FAM193A: variants seen among roughly 807,000 people sequenced by gnomAD.
FAM193A encodes the protein protein FAM193A.
A neutral mutation model predicts 126.5 loss-of-function variants in FAM193A; 22 were observed. The ratio of observed to expected loss-of-function variants is 0.17; its 90% CI spans 0.12 to 0.25. The LOEUF (loss-of-function observed/expected upper bound fraction) is 0.25. Ranked by LOEUF, FAM193A falls within the 10% of genes least tolerant of loss-of-function variation. The pLI is 1.00. For synonymous variants in FAM193A, 761 were observed against 646.8 expected (o/e 1.18, Z -2.68); for missense variants, 1,675 against 1,672.8 (o/e 1.00, Z -0.02).
chr4:2,552,400 C>G (rs557104931), intron 1 of FAM193A, among the ~76,000 whole-genome samples: 1 of 152,010 alleles, frequency 6.6e-6, no homozygotes, highest in African/African-American at 2.4e-5. Context: ...ATCTGCCCAC[C>G]TCTGCCTCCC....
chr4:2,649,216 A>G (rs2109061967), intron 7 of FAM193A, among the ~76,000 whole-genome samples: 1 of 150,190 alleles, frequency 6.7e-6, no homozygotes, highest in South Asian at 2.1e-4. Context: ...TCTACAAAAA[A>G]TTAAAAAATT....
chr4:2,596,960 C>G (rs1180654881), intron 2 of FAM193A, among the ~76,000 whole-genome samples: 3 of 152,190 alleles, frequency 2.0e-5, no homozygotes, highest in African/African-American at 4.8e-5. Flanking sequence ...CTGAGCTCTT[C>G]TCTTCCTTCT....
chr4:2,547,042 C>T lies in FAM193A; in HGVS notation c.255+9872C>T, dbSNP rs147792653. Among the ~76,000 whole-genome samples the T allele has an allele frequency of 2.2e-4, 34 of 152,252 alleles. No homozygotes were observed. The East Asian group carries it at 4.1e-3, about 18-fold the overall frequency. Reference sequence around the variant, plus strand: ...CAGGCAGTCTACTGGTCTGGCCTCCCGAAGTGCTAGGATTACAGGTATAAG... The same window carrying T: ...CAGGCAGTCTACTGGTCTGGCCTCCTGAAGTGCTAGGATTACAGGTATAAG... On this transcript the variant is annotated intron_variant, in intron 1 of 20. Transcript: ENST00000637812.
At chr4:2,592,627 T>C (rs1740635141) in intron 1 of FAM193A, among the ~76,000 whole-genome samples, 1 of 152,186 alleles carries the variant, frequency 6.6e-6, no homozygotes, top group Non-Finnish European at 1.5e-5. Flanking sequence ...GGAGAGAGTC[T>C]GAAGGCTAGG....
At chr4:2,586,129 GCTAC>G (rs1330679342) in intron 1 of FAM193A, among the ~76,000 whole-genome samples, 16 of 151,832 alleles carry the variant, frequency 1.1e-4, no homozygotes, top group African/African-American at 3.9e-4. Flanking sequence ...AGTAATCCTA[GCTAC>G]TGGGGAATCT....
chr4:2,557,335 GT>G (rs1264671267), intron 1 of FAM193A, among the ~76,000 whole-genome samples: 1 of 152,172 alleles, frequency 6.6e-6, no homozygotes, highest in Non-Finnish European at 1.5e-5. Context: ...TGAGCCTGGA[GT>G]TTGTGCATTC....
chr4:2,566,853 A>G (rs80192701), intron 1 of FAM193A, among the ~76,000 whole-genome samples: 4,330 of 152,304 alleles, frequency 0.028, 222 homozygotes, highest in African/African-American at 0.098. Flanking sequence ...ACTTATTAAA[A>G]ATACAAAAAT....
rs1718584212 is a variant in FAM193A at position 2,708,669 on chromosome 4, G to T, written c.4373-7354G>T. 2.6e-5 allele frequency among the ~76,000 whole-genome samples: 4 copies of T among 152,010 alleles called. No homozygotes were observed. The South Asian group carries it at 6.2e-4, about 24-fold the overall frequency. ...GTAGAGGTGGGGTTTCACCATGTTG[G>T]CTAGGCTGGTCTCGAACTCCAGACC... On this transcript the variant is annotated intron_variant, in intron 19 of 20. Coordinates refer to ENST00000637812, the MANE Select transcript of FAM193A (RefSeq NM_001366318.2).
At position 2,663,196 on chromosome 4, in the gene FAM193A, G is replaced by A; in HGVS notation, c.1987G>A (p.Ala663Thr). ...CGAGAGTAGTGGGGAGCCCCCAGGG[G>A]CCCCGAAGGAAGATGGAGTGCTGGG... ...DGESSGEPPG[A>T]PKEDGVLGSR... Residue 663 changes from alanine to threonine, a missense_variant, in exon 12 of 21, where the codon GCC becomes ACC. Coordinates refer to ENST00000637812, the MANE Select transcript of FAM193A (RefSeq NM_001366318.2). The A allele has an allele frequency of 1.2e-6, 2 of 1,614,216 alleles. No individual in the cohort carries two copies. Among genetic ancestry groups the A allele is most frequent in the Non-Finnish European group, 1.7e-6 (2 of 1,180,036 alleles).
intron 3 of FAM193A, 60 bp downstream of exon 3, chr4:2,625,455 A>G (rs968641002): frequency 3.1e-6 from 2 of 650,006 alleles, no homozygotes; most frequent in African/African-American, 1.8e-5. Context: ...AGACCTGCAT[A>G]TTGGAGCTGG....
chr4:2,677,450 G>A (rs1366550163), intron 13 of FAM193A, among the ~76,000 whole-genome samples: 1 of 151,766 alleles, frequency 6.6e-6, no homozygotes, highest in African/African-American at 2.4e-5. Context: ...TGTAGAGATT[G>A]TTTGGGTTGG....
At chr4:2,658,599 A>G (rs770068186) in intron 8 of FAM193A, among the ~76,000 whole-genome samples, 43 of 152,064 alleles carry the variant, frequency 2.8e-4, no homozygotes, top group Non-Finnish European at 5.9e-4. Flanking sequence ...TCTTTCTGCA[A>G]ATATTGGTGG....
intron 19 of FAM193A, among the ~76,000 whole-genome samples, chr4:2,712,358 A>G (rs1448321116): frequency 6.6e-6 from 1 of 152,060 alleles, no homozygotes; most frequent in African/African-American, 2.4e-5. Context: ...GTTTTCTTGC[A>G]TCTCCTGTTT....
intron 1 of FAM193A, among the ~76,000 whole-genome samples, chr4:2,561,054 T>C (rs1001671166): frequency 2.6e-5 from 4 of 152,258 alleles, no homozygotes; most frequent in Non-Finnish European, 4.4e-5. Context: ...CTCCTGACTC[T>C]TGCTTTGCTT....
chr4:2,549,137 C>T (rs144234110), intron 1 of FAM193A, among the ~76,000 whole-genome samples: 12 of 151,754 alleles, frequency 7.9e-5, no homozygotes, highest in African/African-American at 1.7e-4. Context: ...TGGTGTTTCA[C>T]CATGTTGGCC....
At chr4:2,659,020 G>A (rs1712065287) in intron 8 of FAM193A, among the ~76,000 whole-genome samples, 1 of 152,166 alleles carries the variant, frequency 6.6e-6, no homozygotes, top group Admixed American at 6.5e-5. Flanking sequence ...CAAGGTGCTG[G>A]GATTACAGGC....
intron 13 of FAM193A, among the ~76,000 whole-genome samples, chr4:2,674,021 T>C (rs370406446): frequency 6.6e-6 from 1 of 152,198 alleles, no homozygotes; most frequent in African/African-American, 2.4e-5. Flanking sequence ...AAAGCAAATA[T>C]GGAGTCAAGC....
intron 2 of FAM193A, among the ~76,000 whole-genome samples, chr4:2,601,093 C>G (rs1189986146): frequency 1.3e-5 from 2 of 152,124 alleles, no homozygotes; most frequent in Non-Finnish European, 2.9e-5. Context: ...GTACTGCAGT[C>G]TGGGCAGCAC....
chr4:2,629,965 T>C (rs1221062893), intron 4 of FAM193A, among the ~76,000 whole-genome samples: 1 of 151,956 alleles, frequency 6.6e-6, no homozygotes, highest in Non-Finnish European at 1.5e-5. Context: ...ACCCCGTCTC[T>C]ACTAAAAATA....
Sources: gnomAD v4.1 joint callset for allele counts (sites outside exome capture counted in the v4.1 genomes callset) on GRCh38, gnomAD v4.1.1 for gene constraint, MANE v1.5 for transcripts, NCBI Gene and HGNC (gene_info 2026-07-23, HGNC 2026-07-21) for gene names.